The following SPHKAP variants were observed in gnomAD, a reference collection of about 807,000 sequenced individuals.
SPHKAP encodes SPHK1 interactor, AKAP domain containing.
In SPHKAP, 67 loss-of-function variants were observed where a neutral mutation model predicts 137.5. The ratio of observed to expected loss-of-function variants is 0.49; its 90% CI spans 0.40 to 0.60. The LOEUF is 0.60. Ranked by LOEUF, SPHKAP falls within the 20% of genes least tolerant of loss-of-function variation. The pLI, the probability that SPHKAP is intolerant of heterozygous loss-of-function variation, is 0.00. For synonymous variants in SPHKAP, 813 were observed against 785.3 expected, an observed-to-expected ratio of 1.04 and a Z score of -0.59; for missense variants, 2,097 against 2,069.3, an observed-to-expected ratio of 1.01 and a Z score of -0.26.
chr2:228,134,307 G>T (rs922786705), intron 1 of SPHKAP, among the ~76,000 whole-genome samples: 4 of 152,062 alleles, frequency 2.6e-5, no homozygotes, highest in African/African-American at 7.2e-5. Flanking sequence ...GCAGGAAAAA[G>T]AAATTAGCTC....
At chr2:228,052,716 G>A (rs945649059) in intron 3 of SPHKAP, among the ~76,000 whole-genome samples, 2 of 152,066 alleles carry the variant, frequency 1.3e-5, no homozygotes, top group Admixed American at 6.6e-5. Flanking sequence ...TTGTGGAGAG[G>A]TTACTTTTTT....
intron 2 of SPHKAP, among the ~76,000 whole-genome samples, chr2:228,118,240 GTTTTTTTT>G (rs71299665): frequency 0.38 from 46,802 of 124,158 alleles, 7,896 homozygotes; most frequent in East Asian, 0.53. Context: ...GAGATACACA[GTTTTTTTT>G]TTTTTTTTTT....
chr2:228,062,831 T>C (rs904515071), intron 3 of SPHKAP, among the ~76,000 whole-genome samples: 1 of 152,302 alleles, frequency 6.6e-6, no homozygotes, highest in Admixed American at 6.5e-5. Flanking sequence ...ACAAAAGAAC[T>C]GAAATTTTCT....
intron 3 of SPHKAP, among the ~76,000 whole-genome samples, chr2:228,079,664 C>T (rs1697296495): frequency 6.6e-6 from 1 of 152,222 alleles, no homozygotes; most frequent in Non-Finnish European, 1.5e-5. Context: ...GGCTCAAGGC[C>T]CACCAGCTCC....
chr2:227,986,119 T>C (rs1349549361), intron 11 of SPHKAP, among the ~76,000 whole-genome samples: 1 of 152,204 alleles, frequency 6.6e-6, no homozygotes, highest in African/African-American at 2.4e-5. Flanking sequence ...ACTAAAGGAC[T>C]CAGTTTTAAG....
At chr2:228,166,279 T>G (rs998399205) in intron 1 of SPHKAP, among the ~76,000 whole-genome samples, 2 of 152,226 alleles carry the variant, frequency 1.3e-5, no homozygotes, top group African/African-American at 4.8e-5. Flanking sequence ...TAATTCATAT[T>G]TACTTAAAAA....
intron 1 of SPHKAP, among the ~76,000 whole-genome samples, chr2:228,151,188 G>T (rs1184704086): frequency 6.6e-6 from 1 of 151,094 alleles, no homozygotes; most frequent in Non-Finnish European, 1.5e-5. Flanking sequence ...GCGGTGTTTG[G>T]TTTTTTGTCC....
rs893413071 is a variant in SPHKAP, at chr2:228,166,372, A to G, written c.32+15195T>C. On this transcript the variant is annotated intron_variant, in intron 1 of 11. Coordinates refer to ENST00000392056, the MANE Select transcript of SPHKAP (RefSeq NM_001142644.2). ...ATATTAACCTTGTTCAACATTTAGT[A>G]TGACACCTAGACCTCCTTGTAGTAA... Among the ~76,000 whole-genome samples, 21 of 152,220 alleles carry G rather than the reference A, an allele frequency of 1.4e-4. 1 individual carries two copies. Among genetic ancestry groups the G allele is most frequent in the Non-Finnish European group, 2.4e-4 (16 of 68,030 alleles).
At chr2:228,120,990 G>T (rs531254992) in intron 2 of SPHKAP, among the ~76,000 whole-genome samples, 4 of 152,212 alleles carry the variant, frequency 2.6e-5, no homozygotes, top group Admixed American at 2.0e-4. Context: ...TACTATCAGT[G>T]AAGGGAATGT....
At position 227,991,637 on chromosome 2, in the gene SPHKAP, A is replaced by G. The variant is rs546624619; in HGVS notation, c.4722-311T>C. The G allele has an allele frequency of 1.4e-3, 1,424 of 985,428 alleles. 2 individuals carry two copies. Among genetic ancestry groups the G allele is most frequent in the Non-Finnish European group, 1.6e-3 (1,364 of 829,914 alleles). The allele number at this position is 985,428 out of a possible 1,614,324, so 61.0% of individuals were successfully genotyped here. A position where few individuals can be genotyped will look rare whatever the true frequency, so the allele number is the denominator to read the frequency against. On this transcript the variant is annotated intron_variant, in intron 9 of 11. Coordinates refer to ENST00000392056, the MANE Select transcript of SPHKAP (RefSeq NM_001142644.2). ...CAACCTCCTTACCATAAACTTTCAT[A>G]GGTTTAAACAATGAAAGAGAGATTT...
At chr2:228,015,579 G>A (rs1694550240) in intron 7 of SPHKAP, among the ~76,000 whole-genome samples, 1 of 152,132 alleles carries the variant, frequency 6.6e-6, no homozygotes, top group African/African-American at 2.4e-5. Flanking sequence ...AGGTGTAAAA[G>A]GAATGGAGAG....
intron 3 of SPHKAP, among the ~76,000 whole-genome samples, chr2:228,092,156 C>T (rs1218834517): frequency 2.6e-5 from 3 of 114,028 alleles, no homozygotes; most frequent in East Asian, 2.5e-4. Flanking sequence ...TATACATATA[C>T]ATATATGTGT....
At chr2:228,030,344 T>C (rs181860310) in intron 3 of SPHKAP, among the ~76,000 whole-genome samples, 146 of 151,276 alleles carry the variant, frequency 9.7e-4, no homozygotes, top group African/African-American at 3.3e-3. Context: ...TGAAACCCCG[T>C]CTCTACTAAA....
At chr2:228,099,007 T>C (rs911309798) in intron 3 of SPHKAP, among the ~76,000 whole-genome samples, 4 of 152,194 alleles carry the variant, frequency 2.6e-5, no homozygotes, top group Admixed American at 6.5e-5. Context: ...TTATAGTCTC[T>C]TTTTCTGTGA....
chr2:228,057,832 T>C (rs1696499604), intron 3 of SPHKAP, among the ~76,000 whole-genome samples: 1 of 152,184 alleles, frequency 6.6e-6, no homozygotes, highest in Non-Finnish European at 1.5e-5. Context: ...CTTGTCTTTA[T>C]CTTGGAAGCA....
intron 3 of SPHKAP, among the ~76,000 whole-genome samples, chr2:228,091,169 A>G (rs746364430): frequency 1.3e-5 from 2 of 152,204 alleles, no homozygotes; most frequent in Non-Finnish European, 2.9e-5. Context: ...AAAACAGATT[A>G]AAAATAAAAA....
intron 2 of SPHKAP, among the ~76,000 whole-genome samples, chr2:228,118,899 T>C (rs1698811865): frequency 2.0e-5 from 3 of 152,192 alleles, no homozygotes; most frequent in Admixed American, 2.0e-4. Flanking sequence ...ATTTTCCTTT[T>C]CATTCTGTTG....
At chr2:228,122,648 T>A (rs2106364623) in intron 2 of SPHKAP, among the ~76,000 whole-genome samples, 1 of 152,338 alleles carries the variant, frequency 6.6e-6, no homozygotes, top group East Asian at 1.9e-4. Flanking sequence ...TGTTTCTGCG[T>A]GGACCTGGTT....
chr2:228,111,425 T>A (rs1324767766), intron 2 of SPHKAP, among the ~76,000 whole-genome samples: 1 of 152,166 alleles, frequency 6.6e-6, no homozygotes, highest in Non-Finnish European at 1.5e-5. Context: ...GTTTTACTGT[T>A]ACTATTTGAA....
Sources: allele counts gnomAD v4.1 joint callset (sites outside exome capture counted in the v4.1 genomes callset), GRCh38; gene constraint gnomAD v4.1.1; transcripts MANE v1.5; gene names NCBI Gene and HGNC (gene_info 2026-07-23, HGNC 2026-07-21).